Variants in AHI1 observed in about 807,000 individuals in gnomAD.
AHI1 encodes the protein jouberin.
In AHI1, 123 loss-of-function variants were observed where a neutral mutation model predicts 149.3. The ratio of observed to expected loss-of-function variants is 0.82; its 90% confidence interval spans 0.71 to 0.96. AHI1 has a LOEUF of 0.96. Ranked by LOEUF, AHI1 falls within the 40% of genes least tolerant of loss-of-function variation. The probability of loss-of-function intolerance (pLI) is 0.00; values close to 1 mark genes in which losing one functional copy is unlikely to be tolerated. For missense variants in AHI1, 1,439 were observed against 1,422.7 expected, an observed-to-expected ratio of 1.01 and a Z score of -0.18; for synonymous variants, 475 against 459.8, an observed-to-expected ratio of 1.03 and a Z score of -0.42.
intron 23 of AHI1, among the ~76,000 whole-genome samples, chr6:135,389,235 C>CGGGAGGCAGAACTTGCA (rs1778094561): frequency 6.7e-6 from 1 of 148,814 alleles, no homozygotes; most frequent in African/African-American, 2.5e-5. Context: ...GGAGTGAACC[C>CGGGAGGCAGAACTTGCA]GGGAGGCAGA....
chr6:135,394,572 T>C, intron 23 of AHI1: 1 of 605,592 alleles, frequency 1.7e-6, no homozygotes, highest in Non-Finnish European at 2.8e-6. Context: ...GCACATAGGT[T>C]CAGTGTATCT....
Position 135,357,139 on chromosome 6 carries a change from A to G in AHI1, c.3165+993T>C, listed in dbSNP as rs530113187. On this transcript the variant is annotated intron_variant, in intron 24 of 28. Coordinates refer to ENST00000265602, the MANE Select transcript of AHI1 (RefSeq NM_001134831.2). ...ATTTTAGTAGAGATGGGGTTTCACCATGTTGGCCAGGATGGTCTCAATCTC... is the reference window on the plus strand; with the variant it reads ...ATTTTAGTAGAGATGGGGTTTCACCGTGTTGGCCAGGATGGTCTCAATCTC... 6.2e-4 allele frequency among the ~76,000 whole-genome samples: 95 copies of G among 152,258 alleles called. 1 individual carries two copies. In the South Asian group the frequency reaches 0.013, roughly 21 times the overall value.
chr6:135,467,741 GT>G, intron 5 of AHI1, 107 bp from the exon 6 acceptor site: 1 of 738,284 alleles, frequency 1.4e-6, no homozygotes, highest in Non-Finnish European at 2.1e-6. Flanking sequence ...AAATTATTTA[GT>G]TTTTTTACCT....
chr6:135,338,300 C>CAAAAAAAAAAAAAA (rs199794648), intron 24 of AHI1, among the ~76,000 whole-genome samples: 1 of 94,576 alleles, frequency 1.1e-5, no homozygotes, highest in Admixed American at 1.1e-4. Flanking sequence ...AACTCCATCT[C>CAAAAAAAAAAAAAA]AAAAAAAAAA....
At chr6:135,425,630 T>G (rs1368516612) in intron 20 of AHI1, among the ~76,000 whole-genome samples, 4 of 151,868 alleles carry the variant, frequency 2.6e-5, no homozygotes. Flanking sequence ...TAGTACCTTT[T>G]CATAGATAAG....
At chr6:135,424,246 C>A (rs1429876255) in intron 20 of AHI1, among the ~76,000 whole-genome samples, 1 of 151,916 alleles carries the variant, frequency 6.6e-6, no homozygotes, top group Non-Finnish European at 1.5e-5. Context: ...AGGATAACAG[C>A]CCCTATGTCA....
intron 23 of AHI1, among the ~76,000 whole-genome samples, chr6:135,381,061 T>C (rs1055941965): frequency 2.8e-4 from 43 of 152,194 alleles, no homozygotes; most frequent in African/African-American, 1.0e-3. Flanking sequence ...ATATGTGCAT[T>C]TATATCTGCC....
chr6:135,335,203 C>T (rs1285926863), intron 24 of AHI1, among the ~76,000 whole-genome samples: 3 of 152,090 alleles, frequency 2.0e-5, no homozygotes, highest in African/African-American at 7.2e-5. Flanking sequence ...TCACTAGCTC[C>T]AGATTTGGTC....
chr6:135,299,637 T>C (rs1783599593), intron 27 of AHI1, among the ~76,000 whole-genome samples: 1 of 152,212 alleles, frequency 6.6e-6, no homozygotes, highest in African/African-American at 2.4e-5. Context: ...TGGGAATGTT[T>C]TGATGTAAAA....
In AHI1 at chr6:135,411,389, T is replaced by C. The variant is rs774471595; in HGVS notation, c.2920A>G (p.Thr974Ala). ...DEFVHTESSS[T>A]KMQLVKQRLE... Reference sequence around the variant, plus strand: ...CTCTGTTTTACTAGCTGCATCTTCGTTGAAGAACTTTCAGTGTGGACAAAT... The same window carrying C: ...CTCTGTTTTACTAGCTGCATCTTCGCTGAAGAACTTTCAGTGTGGACAAAT... Residue 974 changes from threonine (T) to alanine (A), a missense_variant, in exon 21 of 29, where the codon ACG becomes GCG. Thr to Ala is a moderately conservative substitution (Grantham distance 58). Transcript: ENST00000265602. The C allele has an allele frequency of 3.8e-5, 61 of 1,613,738 alleles. No homozygotes were observed. Among genetic ancestry groups the C allele is most frequent in the African/African-American group, 2.7e-5 (2 of 74,924 alleles).
intron 23 of AHI1, among the ~76,000 whole-genome samples, chr6:135,374,333 C>G (rs1023433561): frequency 6.6e-6 from 1 of 151,450 alleles, no homozygotes; most frequent in Non-Finnish European, 1.5e-5. Flanking sequence ...AGGCTGGTCT[C>G]GATCTCCTGA....
At chr6:135,387,488 C>T (rs1582968879) in intron 23 of AHI1, among the ~76,000 whole-genome samples, 3 of 152,134 alleles carry the variant, frequency 2.0e-5, no homozygotes, top group Admixed American at 6.5e-5. Context: ...CCAAAGACGG[C>T]TTAAGGGTGG....
intron 23 of AHI1, among the ~76,000 whole-genome samples, chr6:135,371,349 C>T (rs1289444753): frequency 6.6e-6 from 1 of 152,142 alleles, no homozygotes; most frequent in Non-Finnish European, 1.5e-5. Context: ...CAGCCAGCTT[C>T]TAGTGTTTTA....
intron 26 of AHI1, chr6:135,301,181 T>C (rs1383228351): frequency 4.1e-6 from 4 of 982,300 alleles, no homozygotes; most frequent in South Asian, 9.4e-5. Flanking sequence ...TGATATGATA[T>C]ATAATCTATA....
In AHI1 at chr6:135,466,304, T is replaced by A. The variant is rs1790748516; in HGVS notation, c.259A>T (p.Thr87Ser). Reference sequence around the variant, plus strand: ...CTCGTGCTCTTCTTCAGGTTGTTAGTGTTAGCAGCACTTACATCATCACTT... The same window carrying A: ...CTCGTGCTCTTCTTCAGGTTGTTAGAGTTAGCAGCACTTACATCATCACTT... Reference protein sequence around the residue: ...TTSDDVSAANTNNLKKSTRVT... With the variant: ...TTSDDVSAANSNNLKKSTRVT... The change falls in exon 7 of 29, where the codon ACT becomes TCT. Residue 87 changes from threonine (T) to serine (S), a missense_variant. Coordinates refer to ENST00000265602, the MANE Select transcript of AHI1 (RefSeq NM_001134831.2). 1 of 1,613,966 alleles carries A rather than the reference T, an allele frequency of 6.2e-7. No homozygotes were observed. Among genetic ancestry groups the A allele is most frequent in the Admixed American group, 1.7e-5 (1 of 60,024 alleles).
Position 135,428,718 on chromosome 6 carries a change from T to C in AHI1, c.2534A>G (p.Glu845Gly), listed in dbSNP as rs1226606777. ...RKFVGAANYR[E>G]KIHSTLTPCG... ...TGGAGTCAAAGTACTATGAATCTTC[T>C]CCCGATAATTTGCTGCTCCTACAAA... Residue 845 changes from glutamate (E) to glycine (G), a missense_variant, in exon 19 of 29, where the codon GAG becomes GGG. Coordinates refer to ENST00000265602, the MANE Select transcript of AHI1 (RefSeq NM_001134831.2). 6.2e-7 allele frequency: 1 copy of C among 1,607,098 alleles called. No homozygotes were observed. Among genetic ancestry groups the C allele is most frequent in the East Asian group, 2.2e-5 (1 of 44,644 alleles).
At chr6:135,396,002 A>AT (rs981911603) in intron 22 of AHI1, among the ~76,000 whole-genome samples, 1 of 150,922 alleles carries the variant, frequency 6.6e-6, no homozygotes, top group Non-Finnish European at 1.5e-5. Context: ...ATGTTTGTAA[A>AT]TTTTTTTTTC....
At chr6:135,355,371 C>CA (rs1196612618) in intron 24 of AHI1, among the ~76,000 whole-genome samples, 1 of 148,130 alleles carries the variant, frequency 6.8e-6, no homozygotes, top group Non-Finnish European at 1.5e-5. Context: ...AAAACCCAAA[C>CA]AAAAAAATCA....
chr6:135,323,386 C>G, intron 24 of AHI1, 62 bp from the exon 25 acceptor site: 2 of 1,537,344 alleles, frequency 1.3e-6, no homozygotes, highest in South Asian at 1.2e-5. Context: ...AAACCCCCAA[C>G]ATTCACTTCC....
Sources: gnomAD v4.1 joint callset for allele counts (sites outside exome capture counted in the v4.1 genomes callset) on GRCh38, gnomAD v4.1.1 for gene constraint, MANE v1.5 for transcripts, NCBI Gene and HGNC (gene_info 2026-07-23, HGNC 2026-07-21) for gene names.